The following IL12RB2 variants were observed in gnomAD, a reference collection of about 807,000 sequenced individuals.
IL12RB2 encodes interleukin-12 receptor subunit beta-2.
A neutral mutation model predicts 89.4 loss-of-function variants in IL12RB2; 82 were observed. The ratio of observed to expected loss-of-function variants is 0.92; its 90% CI spans 0.77 to 1.10. IL12RB2 has a LOEUF of 1.10. Ranked by LOEUF, IL12RB2 falls within the 50% of genes least tolerant of loss-of-function variation. The pLI, the probability that IL12RB2 is intolerant of heterozygous loss-of-function variation, is 0.00. For missense variants in IL12RB2, 963 were observed against 1,031.9 expected, an observed-to-expected ratio of 0.93 and a Z score of 0.92; for synonymous variants, 368 against 370.1, an observed-to-expected ratio of 0.99 and a Z score of 0.07.
intron 9 of IL12RB2, among the ~76,000 whole-genome samples, chr1:67,348,397 A>T (rs1310324391): frequency 6.6e-6 from 1 of 152,198 alleles, no homozygotes; most frequent in Non-Finnish European, 1.5e-5. Flanking sequence ...AGCACGTCAT[A>T]ACAGAGGGAA....
At chr1:67,378,623 G>A (rs1161660065) in intron 13 of IL12RB2, among the ~76,000 whole-genome samples, 3 of 151,714 alleles carry the variant, frequency 2.0e-5, no homozygotes, top group South Asian at 2.1e-4. Flanking sequence ...AGGCTGAGGC[G>A]GGCAGATCAC....
At position 67,330,899 on chromosome 1, in the gene IL12RB2, T is replaced by C. The variant is rs558553483; in HGVS notation, c.958+89T>C. On this transcript the variant is annotated intron_variant, in intron 8 of 16. Transcript: ENST00000674203. Reference sequence around the variant, plus strand: ...AATGATTTCCTTGGAATAGAATCTTTAAACTACTGGTGCTGAATCAAAAAG... The same window carrying C: ...AATGATTTCCTTGGAATAGAATCTTCAAACTACTGGTGCTGAATCAAAAAG... 7 of 806,590 alleles carry C rather than the reference T, an allele frequency of 8.7e-6. No homozygotes were observed. The Admixed American group carries it at 1.0e-4, about 12-fold the overall frequency. The allele number at this position is 806,590 out of a possible 1,614,324, so 50.0% of individuals were successfully genotyped here. A position where few individuals can be genotyped will look rare whatever the true frequency, so the allele number is the denominator to read the frequency against.
At position 67,334,770 on chromosome 1, in the gene IL12RB2, C is replaced by T. The variant is rs12124800; in HGVS notation, c.959-3854C>T. Among the ~76,000 whole-genome samples the T allele has an allele frequency of 6.7e-3, 1,027 of 152,340 alleles. 2 individuals are homozygous for T. Among genetic ancestry groups the T allele is most frequent in the Non-Finnish European group, 0.01 (692 of 68,036 alleles). ...CTGGGATTACAGGCATGAGCCACCG[C>T]GCCCGGCCGGATTCTTCTTTTGATT... is the stretch of plus-strand genomic sequence containing the variant. On this transcript the variant is annotated intron_variant, in intron 8 of 16. Transcript: ENST00000674203.
intron 9 of IL12RB2, among the ~76,000 whole-genome samples, chr1:67,348,930 A>C (rs1660526545): frequency 6.6e-6 from 1 of 151,962 alleles, no homozygotes; most frequent in African/African-American, 2.4e-5. Context: ...CTTCCATCCC[A>C]CTCCCACCTT....
At chr1:67,312,669 TAAG>T in intron 1 of IL12RB2, among the ~76,000 whole-genome samples, 1 of 96,710 alleles carries the variant, frequency 1.0e-5, no homozygotes, top group South Asian at 2.9e-4. Flanking sequence ...TAAAGGAAGT[TAAG>T]AAAAAAAAAA....
intron 11 of IL12RB2, among the ~76,000 whole-genome samples, chr1:67,369,574 G>T (rs1375820859): frequency 3.9e-5 from 6 of 152,158 alleles, no homozygotes; most frequent in Non-Finnish European, 7.4e-5. Flanking sequence ...AAAGTGAATA[G>T]AAAAAGCATT....
In IL12RB2 at chr1:67,350,999, A is replaced by T. The variant is rs756168156; in HGVS notation, c.1168A>T (p.Thr390Ser). 1.9e-6 allele frequency: 3 copies of T among 1,613,994 alleles called. No individual in the cohort carries two copies. In the South Asian group the frequency reaches 3.3e-5, roughly 18 times the overall value. The change falls in exon 10 of 17, where the codon ACC becomes TCC. Residue 390 changes from threonine (T) to serine (S), a missense_variant. Physicochemically the swap from Thr to Ser is moderately conservative, Grantham distance 58. Coordinates refer to ENST00000674203, the MANE Select transcript of IL12RB2 (RefSeq NM_001374259.2). ...CTCCTGGACCACAGTCATTCCTAGA[A>T]CCGGAAATTGGGCTGTGGCTGTGTC... ...HTSWTTVIPR[T>S]GNWAVAVSAA...
chr1:67,351,233 T>TC, intron 10 of IL12RB2, 144 bp downstream of exon 10: 1 of 1,407,838 alleles, frequency 7.1e-7, no homozygotes. Flanking sequence ...GCTTTTTTTT[T>TC]CTTTTCCAAT....
At chr1:67,389,167 G>C (rs1412201717) in intron 15 of IL12RB2, among the ~76,000 whole-genome samples, 2 of 151,946 alleles carry the variant, frequency 1.3e-5, no homozygotes, top group Non-Finnish European at 2.9e-5. Flanking sequence ...AGTTATTTGT[G>C]GACTCAGTTT....
chr1:67,363,851 A>T (rs1662389090), intron 10 of IL12RB2, among the ~76,000 whole-genome samples: 1 of 152,250 alleles, frequency 6.6e-6, no homozygotes, highest in Non-Finnish European at 1.5e-5. Context: ...AAAAGGGCAG[A>T]AAATGAAATC....
At chr1:67,329,457 T>C in intron 6 of IL12RB2, 130 bp from the exon 7 acceptor site, 1 of 728,252 alleles carries the variant, frequency 1.4e-6, no homozygotes, top group Non-Finnish European at 2.5e-6. Flanking sequence ...TCTTGTATAT[T>C]TTACCAAATT....
chr1:67,364,878 A>C (rs1489646965), intron 10 of IL12RB2, among the ~76,000 whole-genome samples: 2 of 152,226 alleles, frequency 1.3e-5, no homozygotes, highest in African/African-American at 2.4e-5. Flanking sequence ...GCTCATATGG[A>C]ACATTCACCA....
At chr1:67,382,982 CCT>C (rs530546444) in intron 14 of IL12RB2, among the ~76,000 whole-genome samples, 22 of 152,282 alleles carry the variant, frequency 1.4e-4, no homozygotes, top group Non-Finnish European at 2.6e-4. Flanking sequence ...TGCATATACC[CCT>C]GTTTTCATAC....
At chr1:67,364,736 G>T (rs1662493216) in intron 10 of IL12RB2, among the ~76,000 whole-genome samples, 2 of 152,326 alleles carry the variant, frequency 1.3e-5, no homozygotes, top group African/African-American at 4.8e-5. Flanking sequence ...AGATCCTGCA[G>T]ACAGGACAAA....
chr1:67,370,373 G>A (rs1488353342), intron 11 of IL12RB2, among the ~76,000 whole-genome samples: 3 of 152,078 alleles, frequency 2.0e-5, no homozygotes, highest in Non-Finnish European at 4.4e-5. Context: ...AAATGCTTCT[G>A]ACCGTATAGA....
chr1:67,309,321 G>T (rs1182413024), intron 1 of IL12RB2, among the ~76,000 whole-genome samples: 1 of 152,098 alleles, frequency 6.6e-6, no homozygotes, highest in African/African-American at 2.4e-5. Flanking sequence ...AGAGTTACAG[G>T]TTTCTGGCTC....
At chr1:67,380,896 T>C (rs1354910463) in intron 14 of IL12RB2, among the ~76,000 whole-genome samples, 4 of 152,330 alleles carry the variant, frequency 2.6e-5, no homozygotes, top group East Asian at 1.9e-4. Flanking sequence ...GGGCCCACTC[T>C]ACTCCAGTAT....
chr1:67,319,447 C>G (rs533301227), intron 2 of IL12RB2, among the ~76,000 whole-genome samples: 1 of 152,248 alleles, frequency 6.6e-6, no homozygotes, highest in South Asian at 2.1e-4. Context: ...CTACAAAACC[C>G]AAACAACCCT....
At chr1:67,332,527 A>C (rs1218484096) in intron 8 of IL12RB2, among the ~76,000 whole-genome samples, 1 of 152,234 alleles carries the variant, frequency 6.6e-6, no homozygotes, top group Non-Finnish European at 1.5e-5. Flanking sequence ...AAGTGAATTT[A>C]TCCAACAAAT....
Sources: allele counts gnomAD v4.1 joint callset (sites outside exome capture counted in the v4.1 genomes callset), GRCh38; gene constraint gnomAD v4.1.1; transcripts MANE v1.5; gene names NCBI Gene and HGNC (gene_info 2026-07-23, HGNC 2026-07-21).